The following RCAN1 variants were observed in gnomAD, a reference collection of about 807,000 sequenced individuals.
The protein encoded by RCAN1 is calcipressin-1.
RCAN1 carries 11 observed loss-of-function variants against 22.9 expected under a neutral mutation model. That is an observed-to-expected ratio of 0.48 (90% CI 0.30 to 0.79). The LOEUF is 0.79. RCAN1 is among the 30% of genes least tolerant of loss of function. RCAN1 has a pLI of 0.06. For synonymous variants in RCAN1, 136 were observed against 142.3 expected, an observed-to-expected ratio of 0.96 and a Z score of 0.32; for missense variants, 291 against 337.8, an observed-to-expected ratio of 0.86 and a Z score of 1.09.
At chr21:34,605,914 G>T (rs1052732707) in intron 1 of RCAN1, among the ~76,000 whole-genome samples, 1 of 89,190 alleles carries the variant, frequency 1.1e-5, no homozygotes, top group Non-Finnish European at 2.2e-5. Flanking sequence ...AGCAAGACTC[G>T]GTCTCAGAAA....
intron 1 of RCAN1, among the ~76,000 whole-genome samples, chr21:34,583,679 C>T (rs1175959136): frequency 1.3e-5 from 2 of 152,090 alleles, no homozygotes; most frequent in Non-Finnish European, 2.9e-5. Context: ...TTCCAGCCTC[C>T]AGAACTGTGA....
chr21:34,528,563 TTGTC>T (rs953653837), intron 1 of RCAN1, among the ~76,000 whole-genome samples: 1 of 152,172 alleles, frequency 6.6e-6, no homozygotes. Flanking sequence ...CAGGGAGCCT[TTGTC>T]TGTCCAGCAG....
intron 1 of RCAN1, among the ~76,000 whole-genome samples, chr21:34,545,960 A>C (rs1326090412): frequency 1.3e-5 from 2 of 152,196 alleles, no homozygotes; most frequent in African/African-American, 4.8e-5. Flanking sequence ...GCTTTGAAAC[A>C]TGTCATTTCA....
intron 1 of RCAN1, among the ~76,000 whole-genome samples, chr21:34,555,897 A>G (rs1967625535): frequency 6.6e-6 from 1 of 151,428 alleles, no homozygotes; most frequent in African/African-American, 2.4e-5. Flanking sequence ...CCCTGTCTCT[A>G]CGAAAAATAC....
In RCAN1 at chr21:34,517,895, G is replaced by A. The variant is rs1167780175; in HGVS notation, c.*189C>T. ...GGCCCAAGTCATTCCCGGGTGCCAT[G>A]AACAGTAACTGGTGTGCAGCATTAG... is the stretch of plus-strand genomic sequence containing the variant. On this transcript the variant is annotated 3_prime_UTR_variant, in exon 4 of 4. Coordinates refer to ENST00000313806, the MANE Select transcript of RCAN1 (RefSeq NM_004414.7). 4 of 648,828 alleles carry A rather than the reference G, an allele frequency of 6.2e-6. No individual in the cohort carries two copies. The highest frequency in any genetic ancestry group is 7.9e-6 in the Non-Finnish European group (3 of 379,702). The allele number at this position is 648,828 out of a possible 1,614,324, so 40.2% of individuals were successfully genotyped here. A position where few individuals can be genotyped will look rare whatever the true frequency, so the allele number is the denominator to read the frequency against.
chr21:34,584,194 G>T (rs1335139198), intron 1 of RCAN1, among the ~76,000 whole-genome samples: 1 of 152,162 alleles, frequency 6.6e-6, no homozygotes, highest in Non-Finnish European at 1.5e-5. Context: ...CTTATTTCAA[G>T]TAATCTCTAT....
chr21:34,568,741 C>A (rs1424700195), intron 1 of RCAN1, among the ~76,000 whole-genome samples: 1 of 152,202 alleles, frequency 6.6e-6, no homozygotes, highest in Non-Finnish European at 1.5e-5. Flanking sequence ...GGCCCAGAGC[C>A]ATTTCAAGTC....
rs2123610029 is a variant in RCAN1, at chr21:34,534,111, A to C, written c.253-10401T>G. On this transcript the variant is annotated intron_variant, in intron 1 of 3. Transcript: ENST00000313806. ...GACATGATTTCCATATTACAGAAGT[A>C]CTCTGGTTTCTGTGTTCAGAATACA... Among the ~76,000 whole-genome samples the C allele has an allele frequency of 1.3e-5, 2 of 152,112 alleles. 1 individual carries two copies. Among genetic ancestry groups the C allele is most frequent in the Non-Finnish European group, 2.9e-5 (2 of 67,986 alleles).
In RCAN1 at chr21:34,615,055, G is replaced by A; in HGVS notation, c.-44C>T. On this transcript the variant is annotated 5_prime_UTR_variant, in exon 1 of 4. Coordinates refer to ENST00000313806, the MANE Select transcript of RCAN1 (RefSeq NM_004414.7). Reference sequence around the variant, plus strand: ...CTGTGCGCCCCAGCGGGCTGCTCCGGGCTTGCGCGCCGGAGCCTCACGCGC... The same window carrying A: ...CTGTGCGCCCCAGCGGGCTGCTCCGAGCTTGCGCGCCGGAGCCTCACGCGC... 9.8e-7 allele frequency: 1 copy of A among 1,018,982 alleles called. No homozygotes were observed. Among genetic ancestry groups the A allele is most frequent in the Non-Finnish European group, 1.2e-6 (1 of 853,256 alleles). 63.1% of individuals were successfully genotyped at this position (1,018,982 alleles called of 1,614,324 possible). A position where few individuals can be genotyped will look rare whatever the true frequency, so the allele number is the denominator to read the frequency against.
At chr21:34,538,906 G>A (rs1985796660) in intron 1 of RCAN1, among the ~76,000 whole-genome samples, 1 of 152,142 alleles carries the variant, frequency 6.6e-6, no homozygotes, top group African/African-American at 2.4e-5. Flanking sequence ...AACCCGCAAG[G>A]CCCAAGCTCA....
At chr21:34,563,768 AAAATATATATAT>A (rs1390245204) in intron 1 of RCAN1, among the ~76,000 whole-genome samples, 1 of 88,378 alleles carries the variant, frequency 1.1e-5, no homozygotes. Flanking sequence ...AAAAAAAAAA[AAAATATATATAT>A]ATATATATAT....
intron 1 of RCAN1, among the ~76,000 whole-genome samples, chr21:34,611,885 G>A (rs1011375866): frequency 2.0e-5 from 3 of 152,136 alleles, no homozygotes; most frequent in Non-Finnish European, 4.4e-5. Context: ...TAGCTCTCAG[G>A]TTGCCCACTG....
intron 1 of RCAN1, among the ~76,000 whole-genome samples, chr21:34,588,725 C>G (rs1039420374): frequency 2.6e-5 from 4 of 152,216 alleles, no homozygotes; most frequent in Non-Finnish European, 4.4e-5. Context: ...ACGAGATATG[C>G]TCAATCATGT....
At chr21:34,579,767 A>T (rs1027404676) in intron 1 of RCAN1, among the ~76,000 whole-genome samples, 2 of 152,174 alleles carry the variant, frequency 1.3e-5, no homozygotes, top group African/African-American at 4.8e-5. Context: ...CATTTCCTTC[A>T]AATTACATTT....
rs546668961 is a variant in RCAN1, at chr21:34,549,829, G to A, written c.253-26119C>T. ...TCATCCATCCATCCATCCATCCACC[G>A]AACACCTACAGGCACTGACCATGCC... On this transcript the variant is annotated intron_variant, in intron 1 of 3. Coordinates refer to ENST00000313806, the MANE Select transcript of RCAN1 (RefSeq NM_004414.7). 3.9e-5 allele frequency among the ~76,000 whole-genome samples: 6 copies of A among 152,144 alleles called. No homozygotes were observed. The South Asian group carries it at 8.3e-4, about 21-fold the overall frequency.
At chr21:34,541,663 G>A (rs182738615) in intron 1 of RCAN1, among the ~76,000 whole-genome samples, 5 of 152,336 alleles carry the variant, frequency 3.3e-5, no homozygotes, top group Admixed American at 6.5e-5. Flanking sequence ...GGGCGGGAGC[G>A]ATGGCTCACG....
At chr21:34,596,960 G>A (rs1988180117) in intron 1 of RCAN1, among the ~76,000 whole-genome samples, 1 of 152,168 alleles carries the variant, frequency 6.6e-6, no homozygotes, top group Non-Finnish European at 1.5e-5. Flanking sequence ...AATGGGAGGG[G>A]AGGAGTAAAG....
chr21:34,571,625 T>C (rs565648675), intron 1 of RCAN1, among the ~76,000 whole-genome samples: 2 of 152,318 alleles, frequency 1.3e-5, no homozygotes, highest in South Asian at 2.1e-4. Flanking sequence ...GGTACAAACA[T>C]GGCTCACTGT....
rs776719495 is a variant in RCAN1, at chr21:34,521,577, C to T, written c.508G>A (p.Val170Met). 33 of 1,614,114 alleles carry T rather than the reference C, an allele frequency of 2.0e-5. 1 individual carries two copies. In the South Asian group the frequency reaches 3.2e-4, roughly 16 times the overall value. The change falls in exon 3 of 4, where the codon GTG becomes ATG. Residue 170 changes from valine to methionine, a missense_variant. Coordinates refer to ENST00000313806, the MANE Select transcript of RCAN1 (RefSeq NM_004414.7). ...GCATCTTCCACTTGTTTCCATCCCA[C>T]TGGCGGAGAGGCGGGAGGGGAGATC... ...FLISPPASPP[V>M]GWKQVEDATP... is the part of the protein sequence containing the mutation.
Sources: gnomAD v4.1 joint callset for allele counts (sites outside exome capture counted in the v4.1 genomes callset) on GRCh38, gnomAD v4.1.1 for gene constraint, MANE v1.5 for transcripts, NCBI Gene and HGNC (gene_info 2026-07-23, HGNC 2026-07-21) for gene names.